AGO1: variants seen among roughly 807,000 people sequenced by gnomAD.
AGO1 encodes argonaute RISC component 1, also known as protein argonaute-1.
A neutral mutation model predicts 109.2 loss-of-function variants in AGO1; 11 were observed. The observed-to-expected ratio is 0.10, with a 90% CI of 0.06 to 0.17. The LOEUF is 0.17. Ranked by LOEUF, AGO1 falls within the 10% of genes least tolerant of loss-of-function variation. The pLI is 1.00. For missense variants in AGO1, 574 were observed against 1,140.3 expected (o/e 0.50, Z 7.15); for synonymous variants, 422 against 418.6 (o/e 1.01, Z -0.10).
At chr1:35,912,042 T>A (rs1433516197) in intron 12 of AGO1, among the ~76,000 whole-genome samples, 1 of 152,196 alleles carries the variant, frequency 6.6e-6, no homozygotes, top group African/African-American at 2.4e-5. Context: ...TTTTACTATG[T>A]TATCTTCCTT....
intron 3 of AGO1, 103 bp from the exon 4 acceptor site, chr1:35,892,994 C>A: frequency 8.5e-7 from 1 of 1,173,782 alleles, no homozygotes; most frequent in Non-Finnish European, 1.2e-6. Context: ...CATTATGAGC[C>A]CCTATCAACT....
At chr1:35,894,997 T>C (rs533134574) in intron 7 of AGO1, 125 bp from the exon 8 acceptor site, 89 of 1,187,014 alleles carry the variant, frequency 7.5e-5, no homozygotes, top group Non-Finnish European at 9.7e-5. Context: ...GGGACTTCCT[T>C]CCTGCACATC....
chr1:35,898,053 A>G (rs1298805365), intron 8 of AGO1, among the ~76,000 whole-genome samples: 1 of 152,106 alleles, frequency 6.6e-6, no homozygotes, highest in Admixed American at 6.5e-5. Context: ...TAATGTTTTC[A>G]AGGTTTATCC....
intron 1 of AGO1, among the ~76,000 whole-genome samples, chr1:35,877,657 C>T (rs1284145331): frequency 6.6e-6 from 1 of 152,144 alleles, no homozygotes; most frequent in Non-Finnish European, 1.5e-5. Flanking sequence ...GTGTAAAATA[C>T]ACACTGAATT....
chr1:35,904,859 G>A (rs1479119380), intron 11 of AGO1, among the ~76,000 whole-genome samples: 1 of 152,136 alleles, frequency 6.6e-6, no homozygotes, highest in African/African-American at 2.4e-5. Context: ...GTGTGGATGA[G>A]GTGATGGGAT....
At chr1:35,909,933 G>T (rs1645603286) in intron 12 of AGO1, among the ~76,000 whole-genome samples, 1 of 151,880 alleles carries the variant, frequency 6.6e-6, no homozygotes, top group African/African-American at 2.4e-5. Context: ...CAATGTTTTG[G>T]CTTGGGAATG....
At chr1:35,907,628 G>A (rs907329116) in intron 12 of AGO1, among the ~76,000 whole-genome samples, 20 of 151,758 alleles carry the variant, frequency 1.3e-4, no homozygotes, top group African/African-American at 3.6e-4. Flanking sequence ...GCCATTTTCC[G>A]TCTCCATCTC....
chr1:35,913,923 C>T lies in AGO1; in HGVS notation c.1664C>T (p.Pro555Leu). Reference protein sequence around the residue: ...VQVKNVVKTSPQTLSNLCLKI... With the variant: ...VQVKNVVKTSLQTLSNLCLKI... ...GTGAAGAACGTGGTCAAGACCTCAC[C>T]TCAGACTCTGTCCAACCTCTGCCTC... The change falls in exon 13 of 19, where the codon CCT becomes CTT. Residue 555 changes from proline to leucine, a missense_variant. By Grantham distance (98) the Pro-to-Leu change is moderately conservative (BLOSUM62 -3). Coordinates refer to ENST00000373204, the MANE Select transcript of AGO1 (RefSeq NM_012199.5). The T allele has an allele frequency of 1.9e-6, 3 of 1,614,086 alleles. No homozygotes were observed. Among genetic ancestry groups the T allele is most frequent in the Non-Finnish European group, 2.5e-6 (3 of 1,180,016 alleles).
At chr1:35,884,882 C>T (rs938661507) in intron 1 of AGO1, among the ~76,000 whole-genome samples, 1 of 152,156 alleles carries the variant, frequency 6.6e-6, no homozygotes, top group East Asian at 1.9e-4. Context: ...CAGGTCATCT[C>T]TCACCACTTC....
Position 35,901,424 on chromosome 1 carries a change from A to G in AGO1, c.1021-50A>G. 1 of 1,611,434 alleles carries G rather than the reference A, an allele frequency of 6.2e-7. No homozygotes were observed. The highest frequency in any genetic ancestry group is 1.1e-5 in the South Asian group (1 of 90,652). On this transcript the variant is annotated intron_variant, in intron 8 of 18. Transcript: ENST00000373204. The surrounding 1 kb of genome is among the most constrained non-coding windows in gnomAD (Gnocchi z 4.8). ...TTCCTTATTGTGGGGCTCTGGGTAC[A>G]GGGTGGACTGTACTCAAGCCAGAGC...
chr1:35,872,840 C>G (rs1160508336), intron 1 of AGO1, among the ~76,000 whole-genome samples: 13 of 152,124 alleles, frequency 8.5e-5, no homozygotes. Flanking sequence ...CCCAAAGCAC[C>G]AAAGCACTAG....
In AGO1 at chr1:35,895,248, G is replaced by A. The variant is rs1359860901; in HGVS notation, c.999G>A (p.Lys333=). The change falls in exon 8 of 19, where the codon AAG becomes AAA. Residue 333 remains lysine, a synonymous_variant. Coordinates refer to ENST00000373204, the MANE Select transcript of AGO1 (RefSeq NM_012199.5). ...LPCLQVGQEQ[K]HTYLPLEVCN... ...GCCTACAAGTTGGCCAGGAACAAAAGCATACCTACCTTCCCCTAGAGGTGA... is the reference window on the plus strand; with the variant it reads ...GCCTACAAGTTGGCCAGGAACAAAAACATACCTACCTTCCCCTAGAGGTGA... 6 of 1,613,622 alleles carry A rather than the reference G, an allele frequency of 3.7e-6. No individual in the cohort carries two copies. The highest frequency in any genetic ancestry group is 1.6e-4 in the Middle Eastern group (1 of 6,080).
chr1:35,874,614 G>C (rs955913700), intron 1 of AGO1, among the ~76,000 whole-genome samples: 4 of 152,188 alleles, frequency 2.6e-5, no homozygotes, highest in African/African-American at 9.7e-5. Flanking sequence ...AAGTGTTCAA[G>C]TGAAAGGAGG....
chr1:35,870,609 G>T (rs963244632), intron 1 of AGO1, among the ~76,000 whole-genome samples: 2 of 152,100 alleles, frequency 1.3e-5, no homozygotes, highest in Non-Finnish European at 2.9e-5. Flanking sequence ...GAGAGTATTT[G>T]AACAGACACC....
intron 12 of AGO1, among the ~76,000 whole-genome samples, chr1:35,909,654 GT>G (rs1645597323): frequency 6.6e-6 from 1 of 152,104 alleles, no homozygotes; most frequent in South Asian, 2.1e-4. Flanking sequence ...GATTCCTCTA[GT>G]TTATCAGGCC....
chr1:35,917,561 C>T, intron 15 of AGO1, 32 bp from the exon 16 acceptor site: 1 of 1,599,118 alleles, frequency 6.3e-7, no homozygotes. Context: ...CTGTGTATTT[C>T]TTTGTTTCCC....
At chr1:35,912,360 G>GAAA (rs753525049) in intron 12 of AGO1, among the ~76,000 whole-genome samples, 18 of 40,552 alleles carry the variant, frequency 4.4e-4, no homozygotes, top group Middle Eastern at 0.019. Context: ...CTCTGTCTCA[G>GAAA]AAAAAAAAAA....
intron 1 of AGO1, among the ~76,000 whole-genome samples, chr1:35,874,577 C>A (rs1644978529): frequency 6.6e-6 from 1 of 152,156 alleles, no homozygotes; most frequent in Non-Finnish European, 1.5e-5. Flanking sequence ...TGAAAGTAGG[C>A]CAATTAATAA....
At chr1:35,907,164 C>G (rs766255250) in intron 12 of AGO1, 45 bp downstream of exon 12, 1 of 1,535,140 alleles carries the variant, frequency 6.5e-7, no homozygotes, top group East Asian at 2.3e-5. Flanking sequence ...GGACTCTTCT[C>G]AGCGTAGTTC....
Sources: allele counts gnomAD v4.1 joint callset (sites outside exome capture counted in the v4.1 genomes callset), GRCh38; gene constraint gnomAD v4.1.1; non-coding constraint Gnocchi (gnomAD v3.1); transcripts MANE v1.5; gene names NCBI Gene and HGNC (gene_info 2026-07-23, HGNC 2026-07-21).